Variants in CC2D2B observed in about 807,000 individuals in gnomAD.
CC2D2B encodes the protein coiled-coil and C2 domain containing 2B, also known as protein CC2D2B.
Under a neutral mutation model 161.2 loss-of-function variants are expected in CC2D2B, and 128 were observed. That is an observed-to-expected ratio of 0.79 (90% CI 0.69 to 0.92). The LOEUF is 0.92. Ranked by LOEUF, CC2D2B falls within the 40% of genes least tolerant of loss-of-function variation. The pLI, the probability that CC2D2B is intolerant of heterozygous loss-of-function variation, is 0.00. For missense variants in CC2D2B, 1,173 were observed against 1,375.1 expected, an observed-to-expected ratio of 0.85 and a Z score of 2.32; for synonymous variants, 391 against 449.8, an observed-to-expected ratio of 0.87 and a Z score of 1.65.
chr10:96,010,400 C>T (rs2078935308), intron 26 of CC2D2B, among the ~76,000 whole-genome samples: 1 of 152,144 alleles, frequency 6.6e-6, no homozygotes, highest in South Asian at 2.1e-4. Flanking sequence ...AGCCCAGACT[C>T]CACTGTTACT....
intron 10 of CC2D2B, among the ~76,000 whole-genome samples, chr10:95,954,088 C>A (rs1182648774): frequency 2.0e-5 from 3 of 152,026 alleles, no homozygotes; most frequent in African/African-American, 7.2e-5. Context: ...TGGTGTTCTG[C>A]CAACAAAGAA....
chr10:96,004,162 C>A lies in CC2D2B; in HGVS notation c.2860C>A (p.His954Asn). The change falls in exon 25 of 35, where the codon CAT becomes AAT. Residue 954 changes from histidine (H) to asparagine (N), a missense_variant. Physicochemically the swap from His to Asn is moderately conservative, Grantham distance 68 (BLOSUM62 1). Around this residue, in one of 3 missense-constraint regions of CC2D2B, gnomAD observed 598 missense variants for 693.2 expected, o/e 0.86. Coordinates refer to ENST00000646931, the MANE Select transcript of CC2D2B (RefSeq NM_001349008.3). ...EIKVDFVSPG[H>N]DYSFSSLSKI... ...TTTTCTTATTTGCAGCTCACCAGGA[C>A]ATGATTATAGCTTCTCAAGCTTATC... 1 of 1,535,032 alleles carries A rather than the reference C, an allele frequency of 6.5e-7. No homozygotes were observed. Among genetic ancestry groups the A allele is most frequent in the Non-Finnish European group, 8.7e-7 (1 of 1,143,588 alleles).
chr10:96,025,145 CT>C, intron 33 of CC2D2B, among the ~76,000 whole-genome samples: 1 of 62,130 alleles, frequency 1.6e-5, no homozygotes. Flanking sequence ...GTCATCTCTA[CT>C]AAAAAAAAAT....
chr10:95,943,105 C>T (rs1363112959), intron 9 of CC2D2B, among the ~76,000 whole-genome samples: 2 of 152,126 alleles, frequency 1.3e-5, no homozygotes, highest in Non-Finnish European at 2.9e-5. Flanking sequence ...AAGGCTCATT[C>T]TGAAAATTCC....
At chr10:95,945,574 A>G (rs28378465) in intron 9 of CC2D2B, among the ~76,000 whole-genome samples, 6,467 of 152,042 alleles carry the variant, frequency 0.043, 188 homozygotes, top group South Asian at 0.085. Context: ...ATATATTTAC[A>G]TAGATTTTTA....
intron 10 of CC2D2B, among the ~76,000 whole-genome samples, chr10:95,952,090 C>T (rs1436371713): frequency 6.6e-6 from 1 of 152,164 alleles, no homozygotes; most frequent in Non-Finnish European, 1.5e-5. Context: ...ATTTCTTAAA[C>T]ATGGATAATT....
intron 9 of CC2D2B, among the ~76,000 whole-genome samples, chr10:95,941,765 C>T (rs1183931516): frequency 6.6e-6 from 1 of 152,100 alleles, no homozygotes; most frequent in Non-Finnish European, 1.5e-5. Flanking sequence ...ATGGTGCGAC[C>T]ACTATGGAAA....
At chr10:95,985,632 T>A (rs916790294) in intron 19 of CC2D2B, among the ~76,000 whole-genome samples, 3 of 152,104 alleles carry the variant, frequency 2.0e-5, no homozygotes, top group Non-Finnish European at 4.4e-5. Flanking sequence ...CAATATGAAA[T>A]CTGGGCACCT....
intron 9 of CC2D2B, among the ~76,000 whole-genome samples, chr10:95,946,839 T>C (rs1032537816): frequency 1.3e-5 from 2 of 151,736 alleles, no homozygotes; most frequent in African/African-American, 4.8e-5. Flanking sequence ...TTAGGTGTAA[T>C]AGCAATGGCA....
chr10:95,966,650 T>C (rs1224520426), intron 14 of CC2D2B, among the ~76,000 whole-genome samples: 1 of 152,068 alleles, frequency 6.6e-6, no homozygotes, highest in African/African-American at 2.4e-5. Context: ...TGTTTTGCTA[T>C]GTTAGTAATT....
chr10:95,975,106 C>T (rs952295430), intron 17 of CC2D2B, among the ~76,000 whole-genome samples: 3 of 152,178 alleles, frequency 2.0e-5, no homozygotes, highest in African/African-American at 7.2e-5. Flanking sequence ...GGATGGGGTA[C>T]ATGGGAACTC....
intron 6 of CC2D2B, among the ~76,000 whole-genome samples, chr10:95,935,339 C>T (rs1053111150): frequency 6.6e-6 from 1 of 152,186 alleles, no homozygotes; most frequent in African/African-American, 2.4e-5. Flanking sequence ...ATATCAGACC[C>T]ACTTTTCACC....
intron 24 of CC2D2B, among the ~76,000 whole-genome samples, chr10:96,000,600 A>G (rs1338690611): frequency 6.6e-6 from 1 of 152,078 alleles, no homozygotes; most frequent in African/African-American, 2.4e-5. Context: ...TCCTGACCTC[A>G]TGATCCTCCC....
At chr10:95,962,462 G>C (rs763511489) in intron 12 of CC2D2B, among the ~76,000 whole-genome samples, 6 of 152,118 alleles carry the variant, frequency 3.9e-5, no homozygotes, top group Non-Finnish European at 7.4e-5. Flanking sequence ...ATGCAAAATG[G>C]TACAGCCACT....
intron 24 of CC2D2B, among the ~76,000 whole-genome samples, chr10:96,000,435 C>G (rs2078434405): frequency 6.6e-6 from 1 of 152,078 alleles, no homozygotes; most frequent in African/African-American, 2.4e-5. Context: ...GCGATCTGGG[C>G]TCACTGCAAG....
At chr10:96,004,009 C>T (rs2078640551) in intron 24 of CC2D2B, 143 bp from the exon 25 acceptor site, 1 of 548,040 alleles carries the variant, frequency 1.8e-6, no homozygotes, top group Non-Finnish European at 3.2e-6. Flanking sequence ...AGCCAGTCTT[C>T]AGAACATAGA....
At chr10:95,960,760 C>T (rs1230566550) in intron 11 of CC2D2B, among the ~76,000 whole-genome samples, 1 of 152,146 alleles carries the variant, frequency 6.6e-6, no homozygotes. Flanking sequence ...TGATCCACCC[C>T]ACCTTGGCCT....
Position 96,032,262 on chromosome 10 carries a change from C to A in CC2D2B, c.*254C>A. 1 of 397,174 alleles carries A rather than the reference C, an allele frequency of 2.5e-6. No individual in the cohort carries two copies. Among genetic ancestry groups the A allele is most frequent in the Non-Finnish European group, 4.5e-6 (1 of 219,902 alleles). 24.6% of individuals were successfully genotyped at this position (397,174 alleles called of 1,614,324 possible). ...TGGATAGTCTGGCTTTCTTGGGTCA[C>A]TGTCTGCAGTAGGTCTTATTCTGGG... is the stretch of plus-strand genomic sequence containing the variant. On this transcript the variant is annotated 3_prime_UTR_variant, in exon 35 of 35. Coordinates refer to ENST00000646931, the MANE Select transcript of CC2D2B (RefSeq NM_001349008.3).
At chr10:95,928,852 G>C (rs1357583546) in intron 6 of CC2D2B, among the ~76,000 whole-genome samples, 1 of 152,116 alleles carries the variant, frequency 6.6e-6, no homozygotes, top group Non-Finnish European at 1.5e-5. Context: ...TGTGAACAGT[G>C]CTGTAGTAAA....
Sources: allele counts gnomAD v4.1 joint callset (sites outside exome capture counted in the v4.1 genomes callset), GRCh38; gene constraint gnomAD v4.1.1; regional missense constraint gnomAD v4.1.1; transcripts MANE v1.5; gene names NCBI Gene and HGNC (gene_info 2026-07-23, HGNC 2026-07-21).